CEP152: variants seen among roughly 807,000 people sequenced by gnomAD.
The protein encoded by CEP152 is centrosomal protein 152.
A neutral mutation model predicts 188.9 loss-of-function variants in CEP152; 132 were observed. The ratio of observed to expected loss-of-function variants is 0.70; its 90% CI spans 0.61 to 0.81. CEP152 has a LOEUF of 0.81. Ranked by LOEUF, CEP152 falls within the 30% of genes least tolerant of loss-of-function variation. CEP152 has a pLI of 0.00. For synonymous variants in CEP152, 649 were observed against 666.6 expected (o/e 0.97, Z 0.41); for missense variants, 1,914 against 1,969.8 (o/e 0.97, Z 0.54).
intron 9 of CEP152, among the ~76,000 whole-genome samples, chr15:48,787,163 G>GTTTTTTTTTT (rs747436177): frequency 0.01 from 1,018 of 101,486 alleles, 172 homozygotes; most frequent in African/African-American, 0.017. Context: ...TATAGCCTTC[G>GTTTTTTTTTT]TTTTTTTTTT....
intron 2 of CEP152, among the ~76,000 whole-genome samples, chr15:48,730,818 C>T (rs1892396173): frequency 6.6e-6 from 1 of 152,136 alleles, no homozygotes; most frequent in South Asian, 2.1e-4. Context: ...CAGATAAAGT[C>T]TAAGCAAATA....
intron 19 of CEP152, among the ~76,000 whole-genome samples, chr15:48,758,279 T>C (rs534839284): frequency 2.0e-5 from 3 of 152,382 alleles, no homozygotes; most frequent in East Asian, 1.9e-4. Context: ...GCCAATGCTA[T>C]GGAACCGGCC....
chr15:48,805,754 C>T, intron 1 of CEP152, 98 bp from the exon 2 acceptor site: 1 of 1,509,450 alleles, frequency 6.6e-7, no homozygotes, highest in Non-Finnish European at 9.1e-7. Flanking sequence ...AGTGAAAAGA[C>T]AGAAACAGAC....
rs138584222 is a variant in CEP152 at position 48,731,928 on chromosome 15, A to G, written c.142+9703T>C. ...ATTTATGTGACCAACAAACATATGAAAAAAGCTCAACATCACTGGTCATTA... is the reference window on the plus strand; with the variant it reads ...ATTTATGTGACCAACAAACATATGAGAAAAGCTCAACATCACTGGTCATTA... On this transcript the variant is annotated intron_variant and NMD_transcript_variant, in intron 2 of 3. Coordinates refer to the CEP152 transcript ENST00000561245. Among the ~76,000 whole-genome samples the G allele has an allele frequency of 9.0e-4, 137 of 152,374 alleles. 2 individuals are homozygous for G. The East Asian group carries it at 0.023, about 26-fold the overall frequency.
chr15:48,732,118 A>G lies in CEP152; in HGVS notation c.142+9513T>C, dbSNP rs547802183. Among the ~76,000 whole-genome samples, 3 of 152,376 alleles carry G rather than the reference A, an allele frequency of 2.0e-5. No individual in the cohort carries two copies. In the South Asian group the frequency reaches 6.2e-4, roughly 32 times the overall value. ...AATTAGTTCAACCATTGTGGAAGACAGTATGGCGATTCCTCAAGGATCTGG... is the reference window on the plus strand; with the variant it reads ...AATTAGTTCAACCATTGTGGAAGACGGTATGGCGATTCCTCAAGGATCTGG... On this transcript the variant is annotated intron_variant and NMD_transcript_variant, in intron 2 of 3. Coordinates refer to the CEP152 transcript ENST00000561245.
chr15:48,772,410 C>CA lies in CEP152; in HGVS notation c.1782+76dup, dbSNP rs146867646. 0.082 allele frequency: 77,103 copies of CA among 940,726 alleles called. 23 individuals are homozygous for CA. Among genetic ancestry groups the CA allele is most frequent in the East Asian group, 0.094 (2,879 of 30,486 alleles). The allele number at this position is 940,726 out of a possible 1,614,324, so 58.3% of individuals were successfully genotyped here. On this transcript the variant is annotated intron_variant, in intron 13 of 26. Transcript: ENST00000380950. The stretch of plus-strand genomic sequence containing the variant: ...TGGAAGACAGAGTGACGCCCTGTCT[C>CA]AAAAAAAAAAAAGTGTAAAAGTTTT...
At chr15:48,731,985 CCATCTCACGCCAAT>C (rs1892437303) in intron 2 of CEP152, among the ~76,000 whole-genome samples, 1 of 152,180 alleles carries the variant, frequency 6.6e-6, no homozygotes, top group African/African-American at 2.4e-5. Flanking sequence ...CAATGAGATA[CCATCTCACGCCAAT>C]CATCTCACGT....
chr15:48,765,815 G>A (rs1465453439), intron 17 of CEP152: 3 of 291,614 alleles, frequency 1.0e-5, no homozygotes, highest in African/African-American at 2.3e-5. Context: ...AACCATGCCC[G>A]GCTAATTTTT....
chr15:48,749,279 T>C lies in CEP152; in HGVS notation c.3467-669A>G, dbSNP rs576845860. ...GGAAAGGATTCTTGATTCAACATGCTTAGTGCCAACTGGGATAAATAGAGG... is the reference window on the plus strand; with the variant it reads ...GGAAAGGATTCTTGATTCAACATGCCTAGTGCCAACTGGGATAAATAGAGG... On this transcript the variant is annotated intron_variant, in intron 21 of 26. Transcript: ENST00000380950. 8.5e-5 allele frequency among the ~76,000 whole-genome samples: 13 copies of C among 152,164 alleles called. No individual in the cohort carries two copies. In the South Asian group the frequency reaches 2.5e-3, roughly 29 times the overall value.
intron 6 of CEP152, among the ~76,000 whole-genome samples, chr15:48,794,501 C>T (rs1224392544): frequency 6.6e-6 from 1 of 152,160 alleles, no homozygotes; most frequent in Non-Finnish European, 1.5e-5. Flanking sequence ...TATAGTAGAG[C>T]TAGCCCCATC....
chr15:48,765,035 G>A (rs936362064), intron 17 of CEP152, among the ~76,000 whole-genome samples: 1 of 151,216 alleles, frequency 6.6e-6, no homozygotes, highest in African/African-American at 2.4e-5. Context: ...TCTGAAAAAT[G>A]TGAGAAGATT....
At chr15:48,800,625 A>G (rs924889632) in intron 2 of CEP152, among the ~76,000 whole-genome samples, 6 of 152,256 alleles carry the variant, frequency 3.9e-5, no homozygotes, top group African/African-American at 1.4e-4. Context: ...AACAATCCTT[A>G]TAAGTGATAA....
intron 9 of CEP152, among the ~76,000 whole-genome samples, chr15:48,785,649 G>A (rs1440826706): frequency 1.3e-5 from 2 of 152,110 alleles, no homozygotes; most frequent in Admixed American, 1.3e-4. Context: ...CCAATAATTT[G>A]ATTTTATGTA....
At chr15:48,771,916 G>A (rs947413168) in intron 13 of CEP152, among the ~76,000 whole-genome samples, 1 of 152,130 alleles carries the variant, frequency 6.6e-6, no homozygotes, top group Non-Finnish European at 1.5e-5. Context: ...GTAAAAAACA[G>A]AACTGTTTTA....
At chr15:48,762,727 T>C (rs1029108735) in intron 17 of CEP152, 55 bp from the exon 18 acceptor site, 16 of 1,569,908 alleles carry the variant, frequency 1.0e-5, no homozygotes, top group Middle Eastern at 3.3e-4. Context: ...AAGTAAAAAC[T>C]AGAATTAAAA....
rs1296763660 is a variant in CEP152, at chr15:48,772,688, A to G, written c.1581T>C (p.Ile527=). The change falls in exon 13 of 27, where the codon ATT becomes ATC. Residue 527 remains isoleucine (I), a synonymous_variant. Transcript: ENST00000380950. ...VNWKKSKVTS[I]VQEEDPNEEL... is the part of the protein sequence containing the mutation. ...CTTCATTTGGGTCTTCTTCTTGTAC[A>G]ATGCTAATGGAGAAATTGTGATTTT... 3 of 1,613,108 alleles carry G rather than the reference A, an allele frequency of 1.9e-6. No homozygotes were observed. The highest frequency in any genetic ancestry group is 2.7e-5 in the African/African-American group (2 of 74,918).
chr15:48,759,776 A>G (rs1894544739), intron 19 of CEP152, among the ~76,000 whole-genome samples: 1 of 152,202 alleles, frequency 6.6e-6, no homozygotes, highest in African/African-American at 2.4e-5. Flanking sequence ...TTTACCAAGA[A>G]GAATGTTACA....
intron 1 of CEP152, chr15:48,810,408 C>T (rs1182451674): frequency 2.6e-5 from 4 of 152,276 alleles, no homozygotes; most frequent in African/African-American, 4.8e-5. Context: ...ATCACAACAT[C>T]TTGTGATCAG....
chr15:48,777,622 G>GT (rs1896007197), intron 12 of CEP152, among the ~76,000 whole-genome samples: 1 of 151,704 alleles, frequency 6.6e-6, no homozygotes, highest in African/African-American at 2.4e-5. Flanking sequence ...TATATATTTT[G>GT]TAAGTAGTCT....
Sources: gnomAD v4.1 joint callset for allele counts (sites outside exome capture counted in the v4.1 genomes callset) on GRCh38, gnomAD v4.1.1 for gene constraint, MANE v1.5 for transcripts, NCBI Gene and HGNC (gene_info 2026-07-23, HGNC 2026-07-21) for gene names.